RFX6: variants seen among roughly 807,000 people sequenced by gnomAD.
RFX6 encodes DNA-binding protein RFX6.
RFX6 carries 50 observed loss-of-function variants against 110.8 expected under a neutral mutation model. The observed-to-expected ratio is 0.45, with a 90% CI of 0.36 to 0.57. The LOEUF is 0.57. Ranked by LOEUF, RFX6 falls within the 20% of genes least tolerant of loss-of-function variation. RFX6 has a pLI of 0.00. For missense variants in RFX6, 990 were observed against 1,127.0 expected (o/e 0.88, Z 1.74); for synonymous variants, 383 against 411.2 (o/e 0.93, Z 0.83).
chr6:116,913,155 T>A (rs186689518), intron 7 of RFX6, among the ~76,000 whole-genome samples: 46 of 152,288 alleles, frequency 3.0e-4, no homozygotes, highest in Admixed American at 9.2e-4. Context: ...AACCTTTGCC[T>A]CCCTGGTTCA....
chr6:116,881,866 A>T (rs1055859811), intron 3 of RFX6, among the ~76,000 whole-genome samples: 1 of 152,168 alleles, frequency 6.6e-6, no homozygotes, highest in East Asian at 1.9e-4. Flanking sequence ...TATGTAGAAG[A>T]CTTTTTAAAA....
Position 116,910,947 on chromosome 6 carries a change from C to T in RFX6, c.685C>T (p.Arg229Cys), listed in dbSNP as rs1229596530. The T allele has an allele frequency of 9.3e-6, 15 of 1,612,308 alleles. No individual in the cohort carries two copies. Among genetic ancestry groups the T allele is most frequent in the Admixed American group, 6.7e-5 (4 of 59,970 alleles). Residue 229 changes from arginine (R) to cysteine (C), a missense_variant, in exon 7 of 19, where the codon CGT becomes TGT. By Grantham distance (180) the Arg-to-Cys change is radical. Around this residue, in one of 5 missense-constraint regions of RFX6, gnomAD observed 243 missense variants for 353.1 expected, o/e 0.69. Transcript: ENST00000332958. ...SKLKNEGGFTRKYSLSSKTGT... is the reference protein window; with the variant it reads ...SKLKNEGGFTCKYSLSSKTGT... ...TTCTAAATTATAGGGTGGCTTCACT[C>T]GTAAATATTCGCTTAGCTCAAAAAC...
chr6:116,928,227 C>G (rs1775795472), intron 17 of RFX6, among the ~76,000 whole-genome samples: 1 of 152,006 alleles, frequency 6.6e-6, no homozygotes, highest in Non-Finnish European at 1.5e-5. Flanking sequence ...GGGAACAAAA[C>G]AGACCAATAA....
intron 2 of RFX6, among the ~76,000 whole-genome samples, chr6:116,879,368 A>G (rs925331944): frequency 6.6e-6 from 1 of 151,992 alleles, no homozygotes; most frequent in Non-Finnish European, 1.5e-5. Flanking sequence ...ACTAGAACTG[A>G]AAATCAAAGT....
intron 7 of RFX6, 29 bp from the exon 8 acceptor site, chr6:116,915,979 T>C: frequency 6.7e-7 from 1 of 1,491,434 alleles, no homozygotes; most frequent in Non-Finnish European, 9.3e-7. Flanking sequence ...AAAGGATGCT[T>C]TGGTTAAGCT....
At chr6:116,926,126 G>A (rs1353713983) in intron 16 of RFX6, among the ~76,000 whole-genome samples, 1 of 152,106 alleles carries the variant, frequency 6.6e-6, no homozygotes, top group Non-Finnish European at 1.5e-5. Context: ...AGACCAGCCT[G>A]CCCAACATGG....
At chr6:116,915,012 A>C (rs1298023069) in intron 7 of RFX6, among the ~76,000 whole-genome samples, 1 of 152,218 alleles carries the variant, frequency 6.6e-6, no homozygotes, top group Non-Finnish European at 1.5e-5. Context: ...ATTGAAATCC[A>C]GGTAATCTGA....
At chr6:116,905,052 G>A (rs1775166854) in intron 6 of RFX6, among the ~76,000 whole-genome samples, 1 of 152,190 alleles carries the variant, frequency 6.6e-6, no homozygotes, top group Non-Finnish European at 1.5e-5. Context: ...CGGAATTACT[G>A]GGTCATATAA....
At chr6:116,883,327 C>T (rs1774632111) in intron 4 of RFX6, among the ~76,000 whole-genome samples, 1 of 152,122 alleles carries the variant, frequency 6.6e-6, no homozygotes, top group South Asian at 2.1e-4. Flanking sequence ...TATAGCTTCT[C>T]TGTCATAGTA....
At chr6:116,912,708 G>A (rs1409414447) in intron 7 of RFX6, among the ~76,000 whole-genome samples, 1 of 151,958 alleles carries the variant, frequency 6.6e-6, no homozygotes, top group East Asian at 1.9e-4. Context: ...AGAGAGAGAG[G>A]GGGACCAAAA....
Position 116,931,430 on chromosome 6 carries a change from C to T in RFX6, c.2711C>T (p.Thr904Ile). Residue 904 changes from threonine to isoleucine, a missense_variant, in exon 19 of 19, where the codon ACA (threonine) becomes ATA (isoleucine). Thr to Ile is a moderately conservative substitution (Grantham distance 89, BLOSUM62 -1). Around this residue, in one of 5 missense-constraint regions of RFX6, gnomAD observed 438 missense variants for 441.9 expected, o/e 0.99. Coordinates refer to ENST00000332958, the MANE Select transcript of RFX6 (RefSeq NM_173560.4). The stretch of plus-strand genomic sequence containing the variant: ...CAAGAAACCCTGGACTCCCATGGAA[C>T]AAGCAGTAGAGAAATGGTGTCCTCT... ...PAQETLDSHG[T>I]SSREMVSSLP... 2 of 1,612,586 alleles carry T rather than the reference C, an allele frequency of 1.2e-6. No homozygotes were observed. The highest frequency in any genetic ancestry group is 2.7e-5 in the African/African-American group (2 of 74,992).
chr6:116,924,695 C>G lies in RFX6; in HGVS notation c.1582C>G (p.Leu528Val). The G allele has an allele frequency of 1.2e-6, 2 of 1,608,892 alleles. No individual in the cohort carries two copies. Among genetic ancestry groups the G allele is most frequent in the Non-Finnish European group, 1.7e-6 (2 of 1,175,350 alleles). The change falls in exon 15 of 19, where the codon CTC becomes GTC. Residue 528 changes from leucine (L) to valine (V), a missense_variant. Around this residue, in one of 5 missense-constraint regions of RFX6, gnomAD observed 89 missense variants for 140.3 expected, o/e 0.63. Coordinates refer to ENST00000332958, the MANE Select transcript of RFX6 (RefSeq NM_173560.4). ...FGSFHLIRML[L>V]DEYILLAMET... ...TTCTTTTCATTTGATTCGAATGCTT[C>G]TCGATGAATACATTCTCCTGGCCAT...
intron 4 of RFX6, among the ~76,000 whole-genome samples, chr6:116,892,239 C>T (rs1774846881): frequency 6.6e-6 from 1 of 152,228 alleles, no homozygotes; most frequent in South Asian, 2.1e-4. Flanking sequence ...TGCCACAGTC[C>T]TGCCCTTAGC....
intron 4 of RFX6, chr6:116,884,894 T>C (rs962014014): frequency 6.6e-6 from 1 of 152,206 alleles, no homozygotes; most frequent in African/African-American, 2.4e-5. Context: ...TGATATGCCA[T>C]TTGATATTTG....
chr6:116,921,606 C>T (rs1189588698), intron 12 of RFX6, among the ~76,000 whole-genome samples: 1 of 151,954 alleles, frequency 6.6e-6, no homozygotes, highest in Non-Finnish European at 1.5e-5. Context: ...TTGCTTGATC[C>T]CAGGAGTTCA....
At position 116,928,839 on chromosome 6, in the gene RFX6, A is replaced by G; in HGVS notation, c.2479A>G (p.Ser827Gly). Reference sequence around the variant, plus strand: ...GAATCAGCACGTTTCTGTCATCAGCAGCATTCGTTCACTGCCCCCCTACAG... The same window carrying G: ...GAATCAGCACGTTTCTGTCATCAGCGGCATTCGTTCACTGCCCCCCTACAG... ...MVNQHVSVIS[S>G]IRSLPPYSDI... Residue 827 changes from serine to glycine, a missense_variant, in exon 18 of 19, where the codon AGC (serine) becomes GGC (glycine). By Grantham distance (56) the Ser-to-Gly change is moderately conservative. Transcript: ENST00000332958. 2.5e-6 allele frequency: 4 copies of G among 1,614,052 alleles called. No individual in the cohort carries two copies. Among genetic ancestry groups the G allele is most frequent in the Non-Finnish European group, 3.4e-6 (4 of 1,179,896 alleles).
In RFX6 at chr6:116,927,463, A is replaced by C; in HGVS notation, c.2322A>C (p.Thr774=). 3 of 1,614,138 alleles carry C rather than the reference A, an allele frequency of 1.9e-6. No individual in the cohort carries two copies. Among genetic ancestry groups the C allele is most frequent in the Non-Finnish European group, 2.5e-6 (3 of 1,180,014 alleles). ...CACACAATATGCAGTTTTTAAATAC[A>C]GGAAGCTTCAATTTCTTGAGCAACA... ...QDSHNMQFLN[T]GSFNFLSNTG... Residue 774 remains threonine, a synonymous_variant, in exon 17 of 19, where the codon ACA becomes ACC. Transcript: ENST00000332958.
intron 14 of RFX6, 141 bp downstream of exon 14, chr6:116,923,365 T>G (rs1487666560): frequency 1.5e-6 from 1 of 675,202 alleles, no homozygotes; most frequent in Non-Finnish European, 2.7e-6. Flanking sequence ...AAAATGGTAT[T>G]TATGAGCCTG....
At chr6:116,895,464 A>G (rs1023660204) in intron 6 of RFX6, among the ~76,000 whole-genome samples, 2 of 152,194 alleles carry the variant, frequency 1.3e-5, no homozygotes, top group African/African-American at 2.4e-5. Context: ...GATACTTACA[A>G]GACTGTAAAA....
Sources: gnomAD v4.1 joint callset for allele counts (sites outside exome capture counted in the v4.1 genomes callset) on GRCh38, gnomAD v4.1.1 for gene constraint, gnomAD v4.1.1 regional missense constraint, MANE v1.5 for transcripts, NCBI Gene and HGNC (gene_info 2026-07-23, HGNC 2026-07-21) for gene names.